Variants in FAM72A observed in about 807,000 individuals in gnomAD.
FAM72A encodes the protein regulator of UNG2 and MKLN1 interacting yippee protein 1.
A neutral mutation model predicts 11.3 loss-of-function variants in FAM72A; 1 was observed. The ratio of observed to expected loss-of-function variants is 0.09; its 90% CI spans 0.03 to 0.42. The LOEUF (loss-of-function observed/expected upper bound fraction) is 0.42, where lower values mean the gene tolerates loss of function less well. FAM72A is among the 10% of genes least tolerant of loss of function. The pLI, the probability that FAM72A is intolerant of heterozygous loss-of-function variation, is 0.98. For missense variants in FAM72A, 15 were observed against 135.5 expected (o/e 0.11, Z 4.41); for synonymous variants, 5 against 46.9 (o/e 0.11, Z 3.65).
upstream of FAM72A, chr1:206,203,254 C>T (rs1327608916): frequency 5.1e-6 from 2 of 391,602 alleles, no homozygotes; most frequent in African/African-American, 2.1e-5. Context: ...TTGGCCGTGC[C>T]TTAGCTCAAG....
chr1:206,193,229 T>C (rs1427861485), intron 3 of FAM72A, among the ~76,000 whole-genome samples: 2 of 149,616 alleles, frequency 1.3e-5, no homozygotes, highest in African/African-American at 4.9e-5. Context: ...TCCTTTTTTT[T>C]TTTCAGATGG....
chr1:206,191,448 G>A (rs1395848910), intron 3 of FAM72A, among the ~76,000 whole-genome samples: 2 of 145,642 alleles, frequency 1.4e-5, no homozygotes, highest in Non-Finnish European at 1.5e-5. Flanking sequence ...GTGAAACCCT[G>A]TCTCTACTAA....
At chr1:206,197,977 T>C (rs1298946756) in intron 2 of FAM72A, among the ~76,000 whole-genome samples, 2 of 146,908 alleles carry the variant, frequency 1.4e-5, no homozygotes, top group East Asian at 2.0e-4. Context: ...TCTCACACTT[T>C]GGGAGGCCGA....
At chr1:206,197,253 CTTGTTCTCACGGAGCTAA>C (rs1440783946) in intron 2 of FAM72A, among the ~76,000 whole-genome samples, 2 of 152,248 alleles carry the variant, frequency 1.3e-5, no homozygotes, top group East Asian at 3.8e-4. Context: ...AAACAAAGCC[CTTGTTCTCACGGAGCTAA>C]CAGTCTAGCG....
chr1:206,204,118 AC>A (rs1177687481), upstream of FAM72A: 345 of 485,526 alleles, frequency 7.1e-4, no homozygotes, highest in African/African-American at 3.8e-3. Context: ...CCCGAGTCCC[AC>A]CCCCCGGCCC....
chr1:206,198,738 A>G (rs1195831273), intron 2 of FAM72A, among the ~76,000 whole-genome samples: 1 of 148,804 alleles, frequency 6.7e-6, no homozygotes, highest in Admixed American at 6.7e-5. Context: ...TAATAACTTG[A>G]TAAGGTAAAC....
intron 3 of FAM72A, among the ~76,000 whole-genome samples, chr1:206,187,588 T>C (rs1664596072): frequency 6.6e-6 from 1 of 152,098 alleles, no homozygotes. Context: ...ATTCTCTCTG[T>C]GTTGCCCAGG....
chr1:206,194,465 T>C (rs1440182986), intron 3 of FAM72A, among the ~76,000 whole-genome samples: 45 of 151,948 alleles, frequency 3.0e-4, no homozygotes, highest in African/African-American at 1.1e-3. Context: ...AAAGAGGTTC[T>C]ACTATGTGTA....
At chr1:206,196,727 T>C (rs1267211417) in intron 2 of FAM72A, among the ~76,000 whole-genome samples, 1 of 146,640 alleles carries the variant, frequency 6.8e-6, no homozygotes, top group African/African-American at 2.5e-5. Context: ...CCAGAGAAAG[T>C]TGCAAAAGTT....
Position 206,186,942 on chromosome 1 carries a change from T to G in FAM72A, c.*337A>C, listed in dbSNP as rs1372068335. On this transcript the variant is annotated 3_prime_UTR_variant, in exon 4 of 4. Transcript: ENST00000367128. ...TAGGCCTTTATTCAGGAATGTAAAA[T>G]TAATGGTATCTGGTATCAAGTTGTA... 3.3e-5 allele frequency: 7 copies of G among 208,984 alleles called. No homozygotes were observed. The South Asian group carries it at 6.0e-4, about 18-fold the overall frequency. 12.9% of individuals were successfully genotyped at this position (208,984 alleles called of 1,614,324 possible).
In FAM72A at chr1:206,193,232, T is replaced by C. The variant is rs1199146954; in HGVS notation, c.355+2520A>G. On this transcript the variant is annotated intron_variant, in intron 3 of 3. Transcript: ENST00000367128. ...CCGGCCTCTTATTCCTTTTTTTTTT[T>C]CAGATGGAGTTTCACTCTTGGTGCA... Among the ~76,000 whole-genome samples the C allele has an allele frequency of 8.0e-4, 119 of 149,358 alleles. 1 individual carries two copies. Among genetic ancestry groups the C allele is most frequent in the Non-Finnish European group, 1.4e-3 (97 of 67,286 alleles).
intron 3 of FAM72A, among the ~76,000 whole-genome samples, chr1:206,192,600 GA>G (rs1664850995): frequency 2.9e-5 from 1 of 34,558 alleles, no homozygotes; most frequent in Admixed American, 3.2e-4. Flanking sequence ...CTGATATGGA[GA>G]AAGTTTTAGT....
At chr1:206,203,660 C>G (rs1665537734), upstream of FAM72A, 5 of 615,560 alleles carry the variant, frequency 8.1e-6, no homozygotes, top group Admixed American at 1.5e-4. Context: ...GGTAAAGGCT[C>G]CTTCCCTCTT....
intron 2 of FAM72A, among the ~76,000 whole-genome samples, chr1:206,196,758 C>G (rs1275088499): frequency 6.7e-6 from 1 of 150,050 alleles, no homozygotes; most frequent in Non-Finnish European, 1.5e-5. Flanking sequence ...TCAGAATTAT[C>G]CAGCTGATTA....
At chr1:206,191,624 AAAAG>A (rs1227946006) in intron 3 of FAM72A, among the ~76,000 whole-genome samples, 1 of 149,176 alleles carries the variant, frequency 6.7e-6, no homozygotes, top group Non-Finnish European at 1.5e-5. Context: ...AAAAAAAAAA[AAAAG>A]AATTAGTATT....
upstream of FAM72A, chr1:206,205,279 C>G (rs1665812282): frequency 1.4e-5 from 2 of 144,838 alleles, no homozygotes; most frequent in Non-Finnish European, 3.0e-5. Context: ...CTCCCCACCT[C>G]GTAGCGCCAG....
chr1:206,197,806 C>T lies in FAM72A; in HGVS notation c.231-1930G>A, dbSNP rs1665144232. On this transcript the variant is annotated intron_variant, in intron 2 of 3. Transcript: ENST00000367128. ...GCACGTGCCTGTAGTCCCAGCTACT[C>T]GGGAGGCAGAGGTGAGAGAATCACT... Among the ~76,000 whole-genome samples the T allele has an allele frequency of 2.0e-5, 3 of 149,542 alleles. No homozygotes were observed. In the Admixed American group the frequency reaches 2.0e-4, roughly 10 times the overall value.
intron 2 of FAM72A, among the ~76,000 whole-genome samples, chr1:206,197,234 T>C (rs1219835427): frequency 4.6e-5 from 7 of 152,256 alleles, no homozygotes; most frequent in Non-Finnish European, 8.8e-5. Context: ...AGGAATACAC[T>C]GGTAAACAAA....
chr1:206,195,395 T>TAC (rs1477147010), intron 3 of FAM72A, among the ~76,000 whole-genome samples: 1 of 340 alleles, frequency 2.9e-3, no homozygotes, highest in Admixed American at 0.021. Context: ...CTCCCTTTCT[T>TAC]ACACACACAC....
Sources: allele counts gnomAD v4.1 joint callset (sites outside exome capture counted in the v4.1 genomes callset), GRCh38; gene constraint gnomAD v4.1.1; transcripts MANE v1.5; gene names NCBI Gene and HGNC (gene_info 2026-07-23, HGNC 2026-07-21).